AXIN2: variants seen among roughly 807,000 people sequenced by gnomAD.
AXIN2 encodes the protein axin 2, also known as axin-2.
Under a neutral mutation model 74.7 loss-of-function variants are expected in AXIN2, and 21 were observed. That is an observed-to-expected ratio of 0.28 (90% CI 0.20 to 0.40). AXIN2 has a LOEUF of 0.40. AXIN2 is among the 10% of genes least tolerant of loss of function. The probability of loss-of-function intolerance (pLI) is 1.00; values close to 1 mark genes in which losing one functional copy is unlikely to be tolerated. For synonymous variants in AXIN2, 532 were observed against 454.9 expected (o/e 1.17, Z -2.16); for missense variants, 1,144 against 1,111.1 (o/e 1.03, Z -0.42).
chr17:65,558,313 T>C lies in AXIN2; in HGVS notation c.308A>G (p.Lys103Arg), dbSNP rs186514805. The change falls in exon 2 of 11, where the codon AAA becomes AGA. Residue 103 changes from lysine to arginine, a missense_variant. Lys to Arg is a conservative substitution (Grantham distance 26). Transcript: ENST00000307078. ...YLFRTFLERE[K>R]CVDTLDFWFA... ...CCAGAAGTCTAAGGTATCCACGCAT[T>C]TCTCCCTCTCCAGGAAAGTTCGGAA... is the stretch of plus-strand genomic sequence containing the variant. 14 of 1,614,178 alleles carry C rather than the reference T, an allele frequency of 8.7e-6. No homozygotes were observed. The highest frequency in any genetic ancestry group is 1.2e-5 in the Non-Finnish European group (14 of 1,180,024).
In AXIN2 at chr17:65,558,309, G is replaced by C. The variant is rs373628863; in HGVS notation, c.312C>G (p.Cys104Trp). 2 of 1,614,030 alleles carry C rather than the reference G, an allele frequency of 1.2e-6. No homozygotes were observed. The highest frequency in any genetic ancestry group is 1.7e-6 in the Non-Finnish European group (2 of 1,180,042). ...CAAACCAGAAGTCTAAGGTATCCAC[G>C]CATTTCTCCCTCTCCAGGAAAGTTC... ...LFRTFLEREK[C>W]VDTLDFWFAC... The change falls in exon 2 of 11, where the codon TGC (cysteine) becomes TGG (tryptophan). Residue 104 changes from cysteine (C) to tryptophan (W), a missense_variant. Cys to Trp is a radical substitution (Grantham distance 215). This residue lies in a region of AXIN2 where 1,053 missense variants were observed against 973.5 expected (regional missense o/e 1.08). Transcript: ENST00000307078.
At chr17:65,544,483 C>T (rs1484543329) in intron 3 of AXIN2, among the ~76,000 whole-genome samples, 1 of 151,668 alleles carries the variant, frequency 6.6e-6, no homozygotes, top group East Asian at 1.9e-4. Flanking sequence ...AGATGTCAGC[C>T]TGTAGAGGCT....
intron 2 of AXIN2, among the ~76,000 whole-genome samples, chr17:65,554,801 G>A (rs974515863): frequency 6.6e-6 from 1 of 152,144 alleles, no homozygotes; most frequent in South Asian, 2.1e-4. Context: ...GTGCAGAAAG[G>A]CGAGGACACA....
rs750678891 is a variant in AXIN2 at position 65,537,590 on chromosome 17, C to G, written c.1446G>C (p.Pro482=). The G allele has an allele frequency of 6.2e-7, 1 of 1,605,916 alleles. No homozygotes were observed. Among genetic ancestry groups the G allele is most frequent in the South Asian group, 1.1e-5 (1 of 90,710 alleles). Reference sequence around the variant, plus strand: ...CCGCGGGAGGCAGCTTGCCACCGGGCGGGAGCAGGGAGTGGTACTGCGAAT... The same window carrying G: ...CCGCGGGAGGCAGCTTGCCACCGGGGGGGAGCAGGGAGTGGTACTGCGAAT... The part of the protein sequence containing the change: ...HHHSQYHSLL[P]PGGKLPPAAA... The change falls in exon 6 of 11, where the codon CCG becomes CCC. Residue 482 remains proline, a synonymous_variant. Coordinates refer to ENST00000307078, the MANE Select transcript of AXIN2 (RefSeq NM_004655.4).
intron 2 of AXIN2, among the ~76,000 whole-genome samples, chr17:65,554,988 T>C (rs2044247059): frequency 6.6e-6 from 1 of 152,186 alleles, no homozygotes; most frequent in South Asian, 2.1e-4. Flanking sequence ...AGGTTATTTA[T>C]AGCCATTGTC....
chr17:65,537,086 C>A (rs777502124), intron 6 of AXIN2, 23 bp from the exon 7 acceptor site: 2 of 1,595,434 alleles, frequency 1.3e-6, no homozygotes, highest in Non-Finnish European at 1.7e-6. Flanking sequence ...AAGAACCACA[C>A]CCAACCCAGA....
At chr17:65,551,035 G>A (rs1182276508) in intron 2 of AXIN2, among the ~76,000 whole-genome samples, 2 of 152,204 alleles carry the variant, frequency 1.3e-5, no homozygotes, top group Admixed American at 1.3e-4. Context: ...TGAGTCACGT[G>A]GCTCTCAATC....
chr17:65,530,991 G>A (rs1259653088), intron 10 of AXIN2, among the ~76,000 whole-genome samples: 3 of 152,154 alleles, frequency 2.0e-5, no homozygotes, highest in Non-Finnish European at 4.4e-5. Flanking sequence ...CCCTTCCGAG[G>A]AAATTAAGCA....
In AXIN2 at chr17:65,536,556, A is replaced by G. The variant is rs1287639468; in HGVS notation, c.1908-3T>C. Reference sequence around the variant, plus strand: ...AGGCCTTTTTTGTGCTTTGGGCACTAAACAAGGAATGAGCAGAGAGAAAAC... The same window carrying G: ...AGGCCTTTTTTGTGCTTTGGGCACTGAACAAGGAATGAGCAGAGAGAAAAC... On this transcript the variant is annotated splice_polypyrimidine_tract_variant and splice_region_variant and intron_variant, in intron 7 of 10. Coordinates refer to ENST00000307078, the MANE Select transcript of AXIN2 (RefSeq NM_004655.4). 6.2e-7 allele frequency: 1 copy of G among 1,613,660 alleles called. No individual in the cohort carries two copies. Among genetic ancestry groups the G allele is most frequent in the Non-Finnish European group, 8.5e-7 (1 of 1,179,944 alleles).
chr17:65,558,301 G>A lies in AXIN2; in HGVS notation c.320C>T (p.Thr107Ile), dbSNP rs1567769197. 3.1e-6 allele frequency: 5 copies of A among 1,614,044 alleles called. No individual in the cohort carries two copies. The Admixed American group carries it at 5.0e-5, about 16-fold the overall frequency. Reference sequence around the variant, plus strand: ...ATTGCAGGCAAACCAGAAGTCTAAGGTATCCACGCATTTCTCCCTCTCCAG... The same window carrying A: ...ATTGCAGGCAAACCAGAAGTCTAAGATATCCACGCATTTCTCCCTCTCCAG... The part of the protein sequence containing the change: ...TFLEREKCVD[T>I]LDFWFACNGF... Residue 107 changes from threonine (T) to isoleucine (I), a missense_variant, in exon 2 of 11, where the codon ACC (threonine) becomes ATC (isoleucine). By Grantham distance (89) the Thr-to-Ile change is moderately conservative. Around this residue, in one of 4 missense-constraint regions of AXIN2, gnomAD observed 1,053 missense variants for 973.5 expected, o/e 1.08. Transcript: ENST00000307078.
chr17:65,560,347 G>A (rs1263917325), intron 1 of AXIN2: 1 of 151,902 alleles, frequency 6.6e-6, no homozygotes, highest in Non-Finnish European at 1.5e-5. Flanking sequence ...GGGCCCCTTA[G>A]CGCGGACCCG....
chr17:65,558,896 T>C (rs1388740326), intron 1 of AXIN2, among the ~76,000 whole-genome samples, 160 bp from the exon 2 acceptor site: 3 of 152,070 alleles, frequency 2.0e-5, no homozygotes, highest in Non-Finnish European at 2.9e-5. Context: ...TCATCTAAAG[T>C]ATCAGGCGCT....
intron 1 of AXIN2, chr17:65,561,106 T>A (rs1234291531): frequency 6.7e-6 from 1 of 149,492 alleles, no homozygotes; most frequent in Non-Finnish European, 1.5e-5. Context: ...GGCCCGGCTT[T>A]CAACGCAGGT....
chr17:65,532,297 G>C (rs1364211602), intron 10 of AXIN2, among the ~76,000 whole-genome samples: 1 of 152,086 alleles, frequency 6.6e-6, no homozygotes, highest in Non-Finnish European at 1.5e-5. Flanking sequence ...AGCGCCACAT[G>C]GCTCTTCTCC....
intron 2 of AXIN2, among the ~76,000 whole-genome samples, chr17:65,553,612 G>C (rs895928077): frequency 9.2e-5 from 14 of 151,994 alleles, no homozygotes; most frequent in African/African-American, 3.1e-4. Context: ...CCAACATAGA[G>C]GACTACTGTG....
chr17:65,555,532 T>G lies in AXIN2; in HGVS notation c.815+2274A>C, dbSNP rs184807716. On this transcript the variant is annotated intron_variant, in intron 2 of 10. Transcript: ENST00000307078. Reference sequence around the variant, plus strand: ...TCCCAACCTGGTTGTCCTATTTACATCATCATTACTAATTATACTAATTAT... The same window carrying G: ...TCCCAACCTGGTTGTCCTATTTACAGCATCATTACTAATTATACTAATTAT... 5.4e-4 allele frequency among the ~76,000 whole-genome samples: 82 copies of G among 152,192 alleles called. No homozygotes were observed. The East Asian group carries it at 0.015, about 28-fold the overall frequency.
Position 65,558,689 on chromosome 17 carries a change from G to T in AXIN2, c.-69C>A. Reference sequence around the variant, plus strand: ...CCAGTTCCTCTCAGCAATCGGCGTGGTCTCTCTGTCTCTCTCAAGTCAGCA... The same window carrying T: ...CCAGTTCCTCTCAGCAATCGGCGTGTTCTCTCTGTCTCTCTCAAGTCAGCA... On this transcript the variant is annotated 5_prime_UTR_variant, in exon 2 of 11. Coordinates refer to ENST00000307078, the MANE Select transcript of AXIN2 (RefSeq NM_004655.4). 2 of 1,455,374 alleles carry T rather than the reference G, an allele frequency of 1.4e-6. No homozygotes were observed. The highest frequency in any genetic ancestry group is 1.2e-5 in the South Asian group (1 of 83,104). The allele number at this position is 1,455,374 out of a possible 1,614,324, so 90.2% of individuals were successfully genotyped here.
chr17:65,542,517 GTCC>G (rs1459809920), intron 3 of AXIN2, among the ~76,000 whole-genome samples: 9 of 152,196 alleles, frequency 5.9e-5, no homozygotes, highest in Admixed American at 5.9e-4. Context: ...TGGGTGTCAA[GTCC>G]TCATTGAGAA....
chr17:65,556,833 C>T (rs1374918140), intron 2 of AXIN2, among the ~76,000 whole-genome samples: 1 of 152,160 alleles, frequency 6.6e-6, no homozygotes, highest in African/African-American at 2.4e-5. Context: ...CAAGATAAAT[C>T]ATTCAGAGAG....
Sources: gnomAD v4.1 joint callset for allele counts (sites outside exome capture counted in the v4.1 genomes callset) on GRCh38, gnomAD v4.1.1 for gene constraint, gnomAD v4.1.1 regional missense constraint, MANE v1.5 for transcripts, NCBI Gene and HGNC (gene_info 2026-07-23, HGNC 2026-07-21) for gene names.